The following FNIP2 variants were observed in gnomAD, a reference collection of about 807,000 sequenced individuals.
FNIP2 encodes the protein folliculin-interacting protein 2.
FNIP2 carries 32 observed loss-of-function variants against 108.7 expected under a neutral mutation model. The observed-to-expected ratio is 0.29, with a 90% CI of 0.22 to 0.40. The LOEUF (loss-of-function observed/expected upper bound fraction) is 0.40, where lower values mean the gene tolerates loss of function less well. Among genes scored for constraint, FNIP2 ranks in the 10% least tolerant of loss-of-function variants. The pLI is 1.00. For missense variants in FNIP2, 1,202 were observed against 1,381.6 expected (o/e 0.87, Z 2.06); for synonymous variants, 480 against 496.7 (o/e 0.97, Z 0.45).
intron 12 of FNIP2, among the ~76,000 whole-genome samples, chr4:158,864,238 T>A (rs1780453589): frequency 6.6e-6 from 1 of 152,158 alleles, no homozygotes; most frequent in Non-Finnish European, 1.5e-5. Flanking sequence ...TTTTGCAGGC[T>A]GGTCGCTGGT....
intron 1 of FNIP2, among the ~76,000 whole-genome samples, chr4:158,797,015 A>T (rs771192936): frequency 6.6e-6 from 1 of 152,148 alleles, no homozygotes; most frequent in Non-Finnish European, 1.5e-5. Flanking sequence ...GCTGATTCAG[A>T]GCTGAATATC....
rs550548491 is a variant in FNIP2 at position 158,875,692 on chromosome 4, A to T, written c.2949+5223A>T. ...GCAACAACCTTAAAATCAATAGGAT[A>T]CAAAGAAAACATCTATGTAGGACAA... On this transcript the variant is annotated intron_variant, in intron 14 of 16. Coordinates refer to ENST00000264433, the MANE Select transcript of FNIP2 (RefSeq NM_020840.3). 6.8e-4 allele frequency among the ~76,000 whole-genome samples: 103 copies of T among 152,114 alleles called. 1 individual carries two copies. The highest frequency in any genetic ancestry group is 6.7e-3 in the Admixed American group (102 of 15,282).
chr4:158,845,289 C>T (rs548601739), intron 7 of FNIP2, among the ~76,000 whole-genome samples: 4 of 152,294 alleles, frequency 2.6e-5, no homozygotes, highest in African/African-American at 9.6e-5. Flanking sequence ...ATCCAGTACA[C>T]AGAGTTAACT....
chr4:158,785,073 T>TATATAA (rs1776177950), intron 1 of FNIP2, among the ~76,000 whole-genome samples: 1 of 148,476 alleles, frequency 6.7e-6, no homozygotes, highest in South Asian at 2.1e-4. Flanking sequence ...TATTAGCCAG[T>TATATAA]ATATAAAGTT....
In FNIP2 at chr4:158,769,318, A is replaced by G; in HGVS notation, c.106A>G (p.Ser36Gly). 1.3e-6 allele frequency: 2 copies of G among 1,490,742 alleles called. No individual in the cohort carries two copies. The highest frequency in any genetic ancestry group is 8.9e-7 in the Non-Finnish European group (1 of 1,120,530). 92.3% of individuals were successfully genotyped at this position (1,490,742 alleles called of 1,614,324 possible). A position where few individuals can be genotyped will look rare whatever the true frequency, so the allele number is the denominator to read the frequency against. ...GRAPKEGPAF[S>G]WSCSEFDLNE... ...GGCTCCTAAGGAAGGACCCGCCTTT[A>G]GGTGAGGGGGCGCCGGGGGGCAATT... is the stretch of plus-strand genomic sequence containing the variant. Residue 36 changes from serine to glycine, a missense_variant and splice_region_variant, in exon 1 of 17, where the codon AGT becomes GGT. By Grantham distance (56) the Ser-to-Gly change is moderately conservative. This residue lies in a region of FNIP2 where 173 missense variants were observed against 165.9 expected (regional missense o/e 1.04). Transcript: ENST00000264433.
intron 1 of FNIP2, among the ~76,000 whole-genome samples, chr4:158,816,758 C>T (rs987230257): frequency 1.4e-5 from 2 of 147,330 alleles, no homozygotes; most frequent in Non-Finnish European, 3.0e-5. Context: ...GCACTCCTGC[C>T]TGGGAGACAG....
At chr4:158,833,077 A>G (rs2126591827) in intron 5 of FNIP2, among the ~76,000 whole-genome samples, 1 of 152,326 alleles carries the variant, frequency 6.6e-6, no homozygotes, top group South Asian at 2.1e-4. Context: ...ATTCCTGAAA[A>G]AAGTTGCTGA....
chr4:158,806,435 T>C (rs1285300051), intron 1 of FNIP2: 4 of 1,281,656 alleles, frequency 3.1e-6, no homozygotes, highest in Non-Finnish European at 3.1e-6. Context: ...TTTGAAACTT[T>C]AGTTGTTTCA....
rs967255584 is a variant in FNIP2, at chr4:158,906,219, CAGAG to C, written c.*1681_*1684del. 3 of 152,182 alleles carry C rather than the reference CAGAG, an allele frequency of 2.0e-5. No homozygotes were observed. Among genetic ancestry groups the C allele is most frequent in the Non-Finnish European group, 4.4e-5 (3 of 68,032 alleles). The allele number at this position is 152,182 out of a possible 1,614,324, so 9.4% of individuals were successfully genotyped here. ...GACATCATTGTTTGCTGTTGTGTTACAGAGAGAGAAGGAACCTCACCTGTGGCTC... is the reference window on the plus strand; with the variant it reads ...GACATCATTGTTTGCTGTTGTGTTACAGAGAAGGAACCTCACCTGTGGCTC... On this transcript the variant is annotated 3_prime_UTR_variant, in exon 17 of 17. Coordinates refer to ENST00000264433, the MANE Select transcript of FNIP2 (RefSeq NM_020840.3).
intron 1 of FNIP2, among the ~76,000 whole-genome samples, chr4:158,798,565 C>T (rs1360550682): frequency 6.6e-6 from 1 of 152,208 alleles, no homozygotes; most frequent in African/African-American, 2.4e-5. Flanking sequence ...ATGTAAACTT[C>T]ATAAAGGTGG....
chr4:158,880,245 A>G lies in FNIP2; in HGVS notation c.2949+9776A>G, dbSNP rs1227275022. Among the ~76,000 whole-genome samples the G allele has an allele frequency of 1.1e-4, 16 of 152,180 alleles. No homozygotes were observed. The East Asian group carries it at 2.9e-3, about 27-fold the overall frequency. ...TAAGAAAATGTGGCACATATACACT[A>G]CGGAATACAATGCAGCCATAAAAAA... On this transcript the variant is annotated intron_variant, in intron 14 of 16. Coordinates refer to ENST00000264433, the MANE Select transcript of FNIP2 (RefSeq NM_020840.3).
At chr4:158,806,932 C>A (rs1184279014) in intron 1 of FNIP2, among the ~76,000 whole-genome samples, 1 of 152,052 alleles carries the variant, frequency 6.6e-6, no homozygotes, top group African/African-American at 2.4e-5. Context: ...TTATGAACAG[C>A]AAATTTTAAT....
rs183159244 is a variant in FNIP2 at position 158,857,463 on chromosome 4, G to A, written c.858-1594G>A. ...GATTAGAATCCGGGAATTTCCCAGG[G>A]AAAGCAATTGATGGTTTATTGTAAT... On this transcript the variant is annotated intron_variant, in intron 8 of 16. Coordinates refer to ENST00000264433, the MANE Select transcript of FNIP2 (RefSeq NM_020840.3). Among the ~76,000 whole-genome samples the A allele has an allele frequency of 2.3e-3, 346 of 152,256 alleles. 1 individual carries two copies. Among genetic ancestry groups the A allele is most frequent in the African/African-American group, 7.7e-3 (320 of 41,540 alleles).
chr4:158,904,476 A>G lies in FNIP2; in HGVS notation c.3277A>G (p.Asn1093Asp). ...TTTCTCAATATTCAGGATTGAATCC[A>G]ACGACCTGCCTCTGTTGACTGCTAT... is the stretch of plus-strand genomic sequence containing the variant. ...ELGVVLGIES[N>D]DLPLLTAIAS... Residue 1093 changes from asparagine (N) to aspartate (D), a missense_variant, in exon 17 of 17, where the codon AAC (asparagine) becomes GAC (aspartate). Asn to Asp is a conservative substitution (Grantham distance 23, BLOSUM62 1). This residue lies in a region of FNIP2 where 142 missense variants were observed against 183.8 expected (regional missense o/e 0.77). Transcript: ENST00000264433. The G allele has an allele frequency of 6.2e-7, 1 of 1,613,132 alleles. No homozygotes were observed. Among genetic ancestry groups the G allele is most frequent in the East Asian group, 2.2e-5 (1 of 44,870 alleles).
At chr4:158,884,016 C>T (rs1054706391) in intron 14 of FNIP2, among the ~76,000 whole-genome samples, 1 of 143,178 alleles carries the variant, frequency 7.0e-6, no homozygotes, top group African/African-American at 2.6e-5. Context: ...TCCTGCCCCC[C>T]TTCAGGAGAA....
intron 1 of FNIP2, among the ~76,000 whole-genome samples, chr4:158,786,602 A>AT (rs1216124014): frequency 6.6e-6 from 1 of 152,178 alleles, no homozygotes; most frequent in Non-Finnish European, 1.5e-5. Context: ...CTTGAAAATA[A>AT]TTATTTCAAC....
intron 1 of FNIP2, among the ~76,000 whole-genome samples, chr4:158,822,813 A>C (rs559838931): frequency 7.6e-4 from 116 of 152,336 alleles, no homozygotes; most frequent in Non-Finnish European, 1.4e-3. Context: ...GTATCTTATA[A>C]AATACTTTTA....
intron 7 of FNIP2, among the ~76,000 whole-genome samples, chr4:158,844,390 C>T (rs951512003): frequency 3.9e-5 from 6 of 152,138 alleles, no homozygotes; most frequent in Admixed American, 1.3e-4. Context: ...GATGTCCTCC[C>T]TTTGAGCCTT....
At chr4:158,830,408 G>A (rs1185269049) in intron 3 of FNIP2, among the ~76,000 whole-genome samples, 2 of 151,608 alleles carry the variant, frequency 1.3e-5, no homozygotes, top group Non-Finnish European at 2.9e-5. Flanking sequence ...GACTACAGGC[G>A]CCCGCCACCG....
Sources: gnomAD v4.1 joint callset for allele counts (sites outside exome capture counted in the v4.1 genomes callset) on GRCh38, gnomAD v4.1.1 for gene constraint, gnomAD v4.1.1 regional missense constraint, MANE v1.5 for transcripts, NCBI Gene and HGNC (gene_info 2026-07-23, HGNC 2026-07-21) for gene names.